NSL1: variants seen among roughly 807,000 people sequenced by gnomAD.
NSL1 encodes NSL1 component of MIS12 kinetochore complex.
NSL1 carries 11 observed loss-of-function variants against 25.4 expected under a neutral mutation model. That is an observed-to-expected ratio of 0.43 (90% confidence interval 0.27 to 0.72). NSL1 has a LOEUF of 0.72. Among genes scored for constraint, NSL1 ranks in the 30% least tolerant of loss-of-function variants. The probability of loss-of-function intolerance (pLI) is 0.19; values close to 1 mark genes in which losing one functional copy is unlikely to be tolerated. For synonymous variants in NSL1, 118 were observed against 120.6 expected, an observed-to-expected ratio of 0.98 and a Z score of 0.14; for missense variants, 330 against 342.7, an observed-to-expected ratio of 0.96 and a Z score of 0.29.
chr1:212,791,396 C>G, intron 1 of NSL1, 134 bp downstream of exon 1: 1 of 796,952 alleles, frequency 1.3e-6, no homozygotes, highest in African/African-American at 1.7e-5. Context: ...TCTAGCGTTT[C>G]TCGAACTGGT....
At chr1:212,773,577 T>C (rs7516312) in intron 4 of NSL1, among the ~76,000 whole-genome samples, 28,095 of 152,080 alleles carry the variant, frequency 0.18, 3,001 homozygotes, top group African/African-American at 0.3. Flanking sequence ...CTTTTAGACA[T>C]TGTTGGTCAG....
rs113434922 is a variant in NSL1, at chr1:212,729,945, A to AT, written c.*8462dup. ...GTGGAGGAACTAAACCTCCGGAAGGATTTTTTTTTTTAAGAATGAAATGGG... is the reference window on the plus strand; with the variant it reads ...GTGGAGGAACTAAACCTCCGGAAGGATTTTTTTTTTTTAAGAATGAAATGGG... On this transcript the variant is annotated 3_prime_UTR_variant, in exon 6 of 6. Coordinates refer to ENST00000366977, the MANE Select transcript of NSL1 (RefSeq NM_015471.4). 8.6e-3 allele frequency: 6,992 copies of AT among 813,636 alleles called. 127 individuals carry two copies. Among genetic ancestry groups the AT allele is most frequent in the African/African-American group, 0.08 (4,288 of 53,358 alleles). The allele number at this position is 813,636 out of a possible 1,614,324, so 50.4% of individuals were successfully genotyped here. A position where few individuals can be genotyped will look rare whatever the true frequency, so the allele number is the denominator to read the frequency against.
intron 4 of NSL1, among the ~76,000 whole-genome samples, chr1:212,767,492 T>C (rs1048184639): frequency 8.5e-5 from 13 of 152,178 alleles, no homozygotes; most frequent in Non-Finnish European, 1.6e-4. Context: ...AGACAAACTC[T>C]TCTAAACATT....
Position 212,731,159 on chromosome 1 carries a change from ATT to A in NSL1, c.*7247_*7248del. On this transcript the variant is annotated 3_prime_UTR_variant, in exon 6 of 6. Coordinates refer to ENST00000366977, the MANE Select transcript of NSL1 (RefSeq NM_015471.4). ...TTCAGAGACTTTCATAATATAATCTATTTGCAAAACAAATGGTCAGAGGGGAG... is the reference window on the plus strand; with the variant it reads ...TTCAGAGACTTTCATAATATAATCTATGCAAAACAAATGGTCAGAGGGGAG... The A allele has an allele frequency of 1.1e-6, 1 of 887,590 alleles. No individual in the cohort carries two copies. Among genetic ancestry groups the A allele is most frequent in the African/African-American group, 2.4e-5 (1 of 42,146 alleles). The allele number at this position is 887,590 out of a possible 1,614,324, so 55.0% of individuals were successfully genotyped here. A position where few individuals can be genotyped will look rare whatever the true frequency, so the allele number is the denominator to read the frequency against.
chr1:212,769,079 T>TA lies in NSL1; in HGVS notation c.499+13292dup, dbSNP rs58889016. On this transcript the variant is annotated intron_variant, in intron 4 of 5. Transcript: ENST00000366977. ...CAATGACAATAAAATGGAGGAGGAA[T>TA]AAAAAAAAAAAAATGAAGAAAGCCT... 7.0e-3 allele frequency among the ~76,000 whole-genome samples: 921 copies of TA among 131,998 alleles called. 10 individuals carry two copies. The highest frequency in any genetic ancestry group is 0.03 in the South Asian group (131 of 4,356). The allele number at this position is 131,998 out of a possible 152,430, so 86.6% of individuals were successfully genotyped here. A position where few individuals can be genotyped will look rare whatever the true frequency, so the allele number is the denominator to read the frequency against.
At position 212,784,476 on chromosome 1, in the gene NSL1, G is replaced by T; in HGVS notation, c.331C>A (p.Leu111Ile). 6.5e-7 allele frequency: 1 copy of T among 1,548,526 alleles called. No individual in the cohort carries two copies. ...ATGATTTCATCAAACTGATCTTCAAGTACTTTGATGTCAGAATCTATTTGA... is the reference window on the plus strand; with the variant it reads ...ATGATTTCATCAAACTGATCTTCAATTACTTTGATGTCAGAATCTATTTGA... Reference protein sequence around the residue: ...NCFMDSDIKVLEDQFDEIIVD... With the variant: ...NCFMDSDIKVIEDQFDEIIVD... Residue 111 changes from leucine to isoleucine, a missense_variant, in exon 3 of 6, where the codon CTT becomes ATT. Coordinates refer to ENST00000366977, the MANE Select transcript of NSL1 (RefSeq NM_015471.4).
At position 212,780,997 on chromosome 1, in the gene NSL1, G is replaced by T. The variant is rs546307838; in HGVS notation, c.499+1375C>A. Among the ~76,000 whole-genome samples the T allele has an allele frequency of 2.0e-5, 3 of 152,286 alleles. No homozygotes were observed. The South Asian group carries it at 6.2e-4, about 32-fold the overall frequency. On this transcript the variant is annotated intron_variant, in intron 4 of 5. Transcript: ENST00000366977. ...AATAATGAAACTGATGCTTGAAGAA[G>T]TCAGGTGACTTGGCCAAAGATATAA...
At position 212,740,741 on chromosome 1, in the gene NSL1, A is replaced by G. The variant is rs369966077; in HGVS notation, c.500-1140T>C. Among the ~76,000 whole-genome samples, 206 of 152,280 alleles carry G rather than the reference A, an allele frequency of 1.4e-3. 1 individual carries two copies. In the South Asian group the frequency reaches 0.027, roughly 20 times the overall value. On this transcript the variant is annotated intron_variant, in intron 4 of 5. Coordinates refer to ENST00000366977, the MANE Select transcript of NSL1 (RefSeq NM_015471.4). ...AACCATTTATCTGATTTTAATCACT[A>G]TACATTAGTTTTGCTTATTCTAAAA...
At chr1:212,768,686 A>G (rs370828787) in intron 4 of NSL1, among the ~76,000 whole-genome samples, 66 of 152,340 alleles carry the variant, frequency 4.3e-4, no homozygotes, top group African/African-American at 1.4e-3. Context: ...ATGCAAAGGC[A>G]TAAGAATGAT....
At chr1:212,775,151 C>G (rs1660303000) in intron 4 of NSL1, among the ~76,000 whole-genome samples, 1 of 152,028 alleles carries the variant, frequency 6.6e-6, no homozygotes, top group East Asian at 1.9e-4. Context: ...CACAAGGGAC[C>G]ACATACCACA....
chr1:212,781,874 T>C, intron 4 of NSL1: 1 of 230,698 alleles, frequency 4.3e-6, no homozygotes, highest in Middle Eastern at 1.8e-3. Context: ...TTTCTCCCTG[T>C]TGTATGGGAT....
At chr1:212,787,212 C>T (rs912791325) in intron 2 of NSL1, among the ~76,000 whole-genome samples, 2 of 151,986 alleles carry the variant, frequency 1.3e-5, no homozygotes, top group Non-Finnish European at 2.9e-5. Context: ...AAGATGTAAC[C>T]TCATCCTTTA....
chr1:212,748,212 T>C (rs879264254), intron 4 of NSL1, among the ~76,000 whole-genome samples: 20 of 152,336 alleles, frequency 1.3e-4, no homozygotes, highest in Admixed American at 1.2e-3. Context: ...GAATAAATAT[T>C]ATGTAATCTA....
intron 1 of NSL1, among the ~76,000 whole-genome samples, chr1:212,790,881 C>T (rs1661191966): frequency 6.6e-6 from 1 of 151,692 alleles, no homozygotes. Flanking sequence ...CGAGATCGCG[C>T]CACTGCACTC....
chr1:212,753,646 A>G (rs1193000465), intron 4 of NSL1, among the ~76,000 whole-genome samples: 3 of 152,174 alleles, frequency 2.0e-5, no homozygotes, highest in Non-Finnish European at 4.4e-5. Context: ...TAGCCATTCA[A>G]TATATACAAC....
intron 4 of NSL1, among the ~76,000 whole-genome samples, chr1:212,745,943 A>G (rs2135823): frequency 0.23 from 34,359 of 151,914 alleles, 4,557 homozygotes; most frequent in African/African-American, 0.38. Flanking sequence ...TCTAGCCTGA[A>G]TGACAGAGTA....
At chr1:212,781,899 A>G (rs1320818442) in intron 4 of NSL1, 1 of 299,744 alleles carries the variant, frequency 3.3e-6, no homozygotes, top group Non-Finnish European at 6.7e-6. Flanking sequence ...ATAAATGGAA[A>G]CAAAACTGAG....
rs377598453 is a variant in NSL1 at position 212,739,490 on chromosome 1, T to C, written c.567+44A>G. 3.2e-6 allele frequency: 5 copies of C among 1,579,460 alleles called. No individual in the cohort carries two copies. In the African/African-American group the frequency reaches 4.0e-5, roughly 13 times the overall value. The stretch of plus-strand genomic sequence containing the variant: ...AATGTTGAATGCAAATACCTAGCCA[T>C]ACATTTTGTTCATTTGATAATTTTT... On this transcript the variant is annotated intron_variant, in intron 5 of 5. Transcript: ENST00000366977.
intron 2 of NSL1, among the ~76,000 whole-genome samples, chr1:212,785,064 A>C (rs993695934): frequency 3.3e-5 from 5 of 152,202 alleles, no homozygotes; most frequent in African/African-American, 9.6e-5. Flanking sequence ...TGGATGATAA[A>C]ATATATAAGA....
Sources: allele counts gnomAD v4.1 joint callset (sites outside exome capture counted in the v4.1 genomes callset), GRCh38; gene constraint gnomAD v4.1.1; transcripts MANE v1.5; gene names NCBI Gene and HGNC (gene_info 2026-07-23, HGNC 2026-07-21).